Variants in IKZF2 observed in about 807,000 individuals in gnomAD.
The protein encoded by IKZF2 is zinc finger protein Helios.
Under a neutral mutation model 49.2 loss-of-function variants are expected in IKZF2, and 15 were observed. That is an observed-to-expected ratio of 0.30 (90% CI 0.20 to 0.47). The LOEUF is 0.47. Ranked by LOEUF, IKZF2 falls within the 20% of genes least tolerant of loss-of-function variation. IKZF2 has a pLI of 1.00. For missense variants in IKZF2, 567 were observed against 664.6 expected (o/e 0.85, Z 1.61); for synonymous variants, 227 against 221.4 (o/e 1.03, Z -0.23).
intron 7 of IKZF2, among the ~76,000 whole-genome samples, chr2:213,018,057 A>G (rs1393807934): frequency 1.3e-5 from 2 of 152,126 alleles, no homozygotes; most frequent in African/African-American, 4.8e-5. Context: ...GCATAAACCT[A>G]ACAATATATA....
At chr2:213,086,025 C>A (rs1240792832) in intron 4 of IKZF2, among the ~76,000 whole-genome samples, 1 of 151,956 alleles carries the variant, frequency 6.6e-6, no homozygotes, top group Non-Finnish European at 1.5e-5. Context: ...ATTGCTAACC[C>A]AAACTGAGGG....
chr2:213,020,229 G>A (rs896920837), intron 7 of IKZF2, among the ~76,000 whole-genome samples: 11 of 152,102 alleles, frequency 7.2e-5, no homozygotes, highest in African/African-American at 2.4e-4. Flanking sequence ...AATAGTAACA[G>A]TGTATTTGGT....
intron 4 of IKZF2, among the ~76,000 whole-genome samples, chr2:213,111,139 C>T (rs1251885915): frequency 2.0e-5 from 3 of 151,848 alleles, no homozygotes; most frequent in Non-Finnish European, 4.4e-5. Flanking sequence ...ATGAATTAAT[C>T]CTTTGAAATT....
chr2:213,129,091 G>A (rs1407125620), intron 4 of IKZF2, among the ~76,000 whole-genome samples: 1 of 151,804 alleles, frequency 6.6e-6, no homozygotes, highest in Admixed American at 6.6e-5. Context: ...CACACACAGA[G>A]AATTCTATTT....
At chr2:213,092,796 A>G (rs1705502047) in intron 4 of IKZF2, among the ~76,000 whole-genome samples, 2 of 152,162 alleles carry the variant, frequency 1.3e-5, no homozygotes, top group South Asian at 4.1e-4. Flanking sequence ...TCTGTCCTCA[A>G]TGTAACTTCA....
At chr2:213,025,389 C>CCCTT (rs1697706365) in intron 6 of IKZF2, among the ~76,000 whole-genome samples, 1 of 152,060 alleles carries the variant, frequency 6.6e-6, no homozygotes, top group African/African-American at 2.4e-5. Context: ...CTGAGTGAAT[C>CCCTT]CCTTCCCTAC....
rs771267766 is a variant in IKZF2, at chr2:213,008,094, A to G, written c.857-10T>C. The G allele has an allele frequency of 6.5e-7, 1 of 1,547,380 alleles. No individual in the cohort carries two copies. The highest frequency in any genetic ancestry group is 1.2e-5 in the South Asian group (1 of 82,042). On this transcript the variant is annotated splice_polypyrimidine_tract_variant and intron_variant, in intron 8 of 8. Coordinates refer to ENST00000434687, the MANE Select transcript of IKZF2 (RefSeq NM_001387220.1). ...CGCATGAGCTTTTCCCCTGGAAGGGAGTGGGAGGTGAAAGAAGTAAAAAAA... is the reference window on the plus strand; with the variant it reads ...CGCATGAGCTTTTCCCCTGGAAGGGGGTGGGAGGTGAAAGAAGTAAAAAAA...
chr2:213,134,283 A>C (rs2060579017), intron 4 of IKZF2, among the ~76,000 whole-genome samples: 1 of 152,218 alleles, frequency 6.6e-6, no homozygotes, highest in Non-Finnish European at 1.5e-5. Flanking sequence ...GGGGAAAAAA[A>C]GCAGAGAAAG....
chr2:213,050,325 T>C (rs1470110456), intron 5 of IKZF2, among the ~76,000 whole-genome samples: 1 of 152,176 alleles, frequency 6.6e-6, no homozygotes, highest in Non-Finnish European at 1.5e-5. Context: ...AGCTAGAAAG[T>C]AGTCAAGGTG....
At chr2:213,014,066 C>A (rs924690608) in intron 7 of IKZF2, 132 bp from the exon 8 acceptor site, 1 of 725,892 alleles carries the variant, frequency 1.4e-6, no homozygotes, top group Admixed American at 2.5e-5. Context: ...GAAAGAATAC[C>A]CTCTAGTGTG....
At chr2:213,047,861 A>G (rs1335690046) in intron 6 of IKZF2, among the ~76,000 whole-genome samples, 1 of 152,154 alleles carries the variant, frequency 6.6e-6, no homozygotes, top group African/African-American at 2.4e-5. Context: ...CTCAGAACCT[A>G]TAAAATTTTA....
intron 6 of IKZF2, among the ~76,000 whole-genome samples, chr2:213,043,183 T>TACACAC (rs34393449): frequency 1.1e-3 from 159 of 148,848 alleles, no homozygotes; most frequent in African/African-American, 3.4e-3. Context: ...GTAAATGAAA[T>TACACAC]ACACACACAC....
Position 213,000,549 on chromosome 2 carries a change from T to C in IKZF2, c.*6811A>G, listed in dbSNP as rs866099348. 3.9e-5 allele frequency: 6 copies of C among 151,988 alleles called. No homozygotes were observed. The highest frequency in any genetic ancestry group is 7.2e-5 in the African/African-American group (3 of 41,482). The allele number at this position is 151,988 out of a possible 1,614,324, so 9.4% of individuals were successfully genotyped here. A position where few individuals can be genotyped will look rare whatever the true frequency, so the allele number is the denominator to read the frequency against. ...AAATGTTATCTTTTAACAAAACATG[T>C]ATTTATATTACAGCAGTTTTACTAC... is the stretch of plus-strand genomic sequence containing the variant. On this transcript the variant is annotated 3_prime_UTR_variant, in exon 9 of 9. Transcript: ENST00000434687.
At chr2:213,088,681 C>T (rs1704951755) in intron 4 of IKZF2, among the ~76,000 whole-genome samples, 1 of 152,038 alleles carries the variant, frequency 6.6e-6, no homozygotes, top group South Asian at 2.1e-4. Context: ...TCGCTTGAAC[C>T]CAGAAGGCGG....
intron 4 of IKZF2, among the ~76,000 whole-genome samples, chr2:213,146,979 T>C (rs1395216712): frequency 6.6e-6 from 1 of 152,060 alleles, no homozygotes; most frequent in African/African-American, 2.4e-5. Flanking sequence ...ATATTATAAT[T>C]AAGAAAAAAG....
chr2:213,139,165 G>A (rs1214668798), intron 4 of IKZF2, among the ~76,000 whole-genome samples: 2 of 151,754 alleles, frequency 1.3e-5, no homozygotes, highest in South Asian at 2.1e-4. Context: ...GAAAGAACTC[G>A]TCGTAACCTG....
intron 7 of IKZF2, chr2:213,014,264 A>G (rs1696320823): frequency 1.2e-5 from 2 of 169,254 alleles, no homozygotes; most frequent in Middle Eastern, 2.8e-3. Flanking sequence ...TACTTTTAAG[A>G]CTGCACTATT....
chr2:213,023,543 T>C (rs909205325), intron 6 of IKZF2, among the ~76,000 whole-genome samples: 3 of 152,194 alleles, frequency 2.0e-5, no homozygotes, highest in Admixed American at 6.5e-5. Flanking sequence ...TGTATCACCA[T>C]GTGACAGCAT....
intron 4 of IKZF2, among the ~76,000 whole-genome samples, chr2:213,125,819 T>C (rs1192930778): frequency 2.0e-5 from 3 of 151,516 alleles, no homozygotes; most frequent in African/African-American, 7.3e-5. Flanking sequence ...ACAACGTTGG[T>C]ATTAAAAAAA....
Sources: gnomAD v4.1 joint callset for allele counts (sites outside exome capture counted in the v4.1 genomes callset) on GRCh38, gnomAD v4.1.1 for gene constraint, MANE v1.5 for transcripts, NCBI Gene and HGNC (gene_info 2026-07-23, HGNC 2026-07-21) for gene names.